DNAH11: variants seen among roughly 807,000 people sequenced by gnomAD.
DNAH11 encodes dynein axonemal heavy chain 11.
A neutral mutation model predicts 526.0 loss-of-function variants in DNAH11; 442 were observed. That is an observed-to-expected ratio of 0.84 (90% CI 0.78 to 0.91). The LOEUF (loss-of-function observed/expected upper bound fraction) is 0.91, where lower values mean the gene tolerates loss of function less well. Among genes scored for constraint, DNAH11 ranks in the 40% least tolerant of loss-of-function variants. The pLI is 0.00. For synonymous variants in DNAH11, 2,461 were observed against 1,935.9 expected, an observed-to-expected ratio of 1.27 and a Z score of -7.12; for missense variants, 6,989 against 5,448.7, an observed-to-expected ratio of 1.28 and a Z score of -8.90.
chr7:21,806,673 T>C (rs1047616464), intron 62 of DNAH11, among the ~76,000 whole-genome samples: 2 of 152,214 alleles, frequency 1.3e-5, no homozygotes, highest in Admixed American at 6.5e-5. Flanking sequence ...TACTAACAAA[T>C]TGCTGATTTT....
chr7:21,737,805 T>C (rs1200511290), intron 46 of DNAH11, among the ~76,000 whole-genome samples: 1 of 152,000 alleles, frequency 6.6e-6, no homozygotes, highest in Non-Finnish European at 1.5e-5. Flanking sequence ...GAGGGAGAGA[T>C]GATGTTAAGC....
intron 61 of DNAH11, among the ~76,000 whole-genome samples, chr7:21,796,181 C>A (rs1244431630): frequency 2.0e-5 from 3 of 152,282 alleles, no homozygotes; most frequent in African/African-American, 7.2e-5. Flanking sequence ...CCCTGACAGT[C>A]ATGAATAGTA....
chr7:21,582,026 G>A lies in DNAH11; in HGVS notation c.1710+5G>A, dbSNP rs1250169722. 1 of 1,579,030 alleles carries A rather than the reference G, an allele frequency of 6.3e-7. No homozygotes were observed. The highest frequency in any genetic ancestry group is 1.7e-5 in the Admixed American group (1 of 59,728). On this transcript the variant is annotated splice_donor_5th_base_variant and intron_variant, in intron 9 of 81. Coordinates refer to ENST00000409508, the MANE Select transcript of DNAH11 (RefSeq NM_001277115.2). ...GGCTTAGAAGCTGCATTTAAGGTTA[G>A]TTCTGAAGAAGCTATCATAAAAAAC...
At chr7:21,652,858 G>T (rs1583565036) in intron 28 of DNAH11, among the ~76,000 whole-genome samples, 1 of 151,870 alleles carries the variant, frequency 6.6e-6, no homozygotes, top group East Asian at 1.9e-4. Context: ...CGAAGTATTA[G>T]TTTTTTTTAA....
intron 8 of DNAH11, among the ~76,000 whole-genome samples, chr7:21,579,460 T>G (rs1020905361): frequency 6.6e-6 from 1 of 152,190 alleles, no homozygotes. Flanking sequence ...CAGAGTGCTC[T>G]GAGAACATTT....
At chr7:21,546,607 C>A (rs1782814274) in intron 2 of DNAH11, among the ~76,000 whole-genome samples, 1 of 152,166 alleles carries the variant, frequency 6.6e-6, no homozygotes, top group Non-Finnish European at 1.5e-5. Context: ...AAAGGTATGC[C>A]TGCTCCTCAA....
At chr7:21,850,376 G>C (rs1241496679) in intron 66 of DNAH11, among the ~76,000 whole-genome samples, 1 of 148,498 alleles carries the variant, frequency 6.7e-6, no homozygotes, top group Non-Finnish European at 1.5e-5. Context: ...AAAAGAAAAA[G>C]AAAAAGAAAA....
At chr7:21,543,893 T>G in intron 1 of DNAH11, 1 of 441,396 alleles carries the variant, frequency 2.3e-6, no homozygotes, top group East Asian at 4.4e-5. Context: ...TGCTTGGGTG[T>G]TAGGCGCCAG....
chr7:21,862,610 C>T (rs1315525007), intron 69 of DNAH11, among the ~76,000 whole-genome samples: 1 of 152,094 alleles, frequency 6.6e-6, no homozygotes, highest in African/African-American at 2.4e-5. Context: ...TGTATCGAAG[C>T]ATCACAGTGT....
chr7:21,852,825 A>G (rs943484456), intron 67 of DNAH11, among the ~76,000 whole-genome samples, 194 bp downstream of exon 67: 2 of 152,192 alleles, frequency 1.3e-5, no homozygotes, highest in African/African-American at 4.8e-5. Context: ...TGCTTCTCCT[A>G]ATTCCATAGA....
chr7:21,600,877 G>A lies in DNAH11; in HGVS notation c.3202G>A (p.Ala1068Thr). 3 of 1,613,938 alleles carry A rather than the reference G, an allele frequency of 1.9e-6. No individual in the cohort carries two copies. The highest frequency in any genetic ancestry group is 2.5e-6 in the Non-Finnish European group (3 of 1,179,844). The change falls in exon 16 of 82, where the codon GCA (alanine) becomes ACA (threonine). Residue 1068 changes from alanine to threonine, a missense_variant. Transcript: ENST00000409508. ...GTCTTCCGATGAAATGGATGCTCAT[G>A]CAAATGAAGAAATTCCCGAACAACC... ...AVSSDEMDAH[A>T]NEEIPEQPPT... is the part of the protein sequence containing the mutation.
At position 21,707,829 on chromosome 7, in the gene DNAH11, A is replaced by C; in HGVS notation, c.6677A>C (p.Asp2226Ala). 1 of 1,596,386 alleles carries C rather than the reference A, an allele frequency of 6.3e-7. No individual in the cohort carries two copies. The highest frequency in any genetic ancestry group is 8.5e-7 in the Non-Finnish European group (1 of 1,172,572). ...FIHHATREWKDGKIVYSYFIG... is the reference protein window; with the variant it reads ...FIHHATREWKAGKIVYSYFIG... ...CATCATGCTACCCGAGAATGGAAAG[A>C]TGGCAAGTAGTATTTCCCCTTTAGA... Residue 2226 changes from aspartate (D) to alanine (A), a missense_variant, in exon 40 of 82, where the codon GAT (aspartate) becomes GCT (alanine). Physicochemically the swap from Asp to Ala is moderately radical, Grantham distance 126. Transcript: ENST00000409508.
At chr7:21,604,957 C>A (rs1417863117) in intron 18 of DNAH11, among the ~76,000 whole-genome samples, 1 of 152,168 alleles carries the variant, frequency 6.6e-6, no homozygotes, top group African/African-American at 2.4e-5. Flanking sequence ...TCCCTTGGTT[C>A]CTGAGCTGGT....
intron 6 of DNAH11, among the ~76,000 whole-genome samples, chr7:21,569,654 C>G (rs74394484): frequency 0.17 from 25,130 of 152,124 alleles, 3,279 homozygotes; most frequent in African/African-American, 0.35. Flanking sequence ...ACAAGTGGTC[C>G]TGAACTACCA....
intron 24 of DNAH11, among the ~76,000 whole-genome samples, chr7:21,619,533 AG>A (rs1785940889): frequency 6.6e-6 from 1 of 152,208 alleles, no homozygotes; most frequent in African/African-American, 2.4e-5. Context: ...GGTAAGTAAT[AG>A]TATCTCTATT....
rs190760422 is a variant in DNAH11 at position 21,789,789 on chromosome 7, C to T, written c.10026+447C>T. Among the ~76,000 whole-genome samples, 329 of 92,522 alleles carry T rather than the reference C, an allele frequency of 3.6e-3. 1 individual carries two copies. Among genetic ancestry groups the T allele is most frequent in the South Asian group, 8.2e-3 (21 of 2,556 alleles). 60.7% of individuals were successfully genotyped at this position (92,522 alleles called of 152,430 possible). A position where few individuals can be genotyped will look rare whatever the true frequency, so the allele number is the denominator to read the frequency against. ...TCTTTCTTTCTTTCTTTCTTTCTTT[C>T]TTTCTTTCTTTCTTTCTTTTTTCTT... On this transcript the variant is annotated intron_variant, in intron 61 of 81. Coordinates refer to ENST00000409508, the MANE Select transcript of DNAH11 (RefSeq NM_001277115.2).
At chr7:21,650,327 C>G (rs1228706683) in intron 28 of DNAH11, among the ~76,000 whole-genome samples, 1 of 151,946 alleles carries the variant, frequency 6.6e-6, no homozygotes, top group Non-Finnish European at 1.5e-5. Flanking sequence ...CATTATTGAA[C>G]GTTTGACAAA....
At chr7:21,673,206 C>T (rs1782714830) in intron 30 of DNAH11, among the ~76,000 whole-genome samples, 1 of 152,140 alleles carries the variant, frequency 6.6e-6, no homozygotes, top group African/African-American at 2.4e-5. Context: ...ACCCTGTTAT[C>T]CACATAAGAA....
chr7:21,561,109 G>C lies in DNAH11; in HGVS notation c.921G>C (p.Leu307=). The change falls in exon 5 of 82, where the codon CTG becomes CTC. Residue 307 remains leucine, a synonymous_variant. Transcript: ENST00000409508. ...TTGTCCTCAAAATGGTTAAGATCCT[G>C]ACAACTAAACAAAGCAGCTATTTTC... ...APVVLKMVKI[L]TTKQSSYFPT... 6.2e-7 allele frequency: 1 copy of C among 1,604,688 alleles called. No homozygotes were observed. Among genetic ancestry groups the C allele is most frequent in the East Asian group, 2.2e-5 (1 of 44,608 alleles).
Sources: gnomAD v4.1 joint callset for allele counts (sites outside exome capture counted in the v4.1 genomes callset) on GRCh38, gnomAD v4.1.1 for gene constraint, MANE v1.5 for transcripts, NCBI Gene and HGNC (gene_info 2026-07-23, HGNC 2026-07-21) for gene names.